Variants in GREM2 observed in about 807,000 individuals in gnomAD.
GREM2 encodes the protein gremlin 2, DAN family BMP antagonist, also known as gremlin-2.
A neutral mutation model predicts 14.2 loss-of-function variants in GREM2; 11 were observed. That is an observed-to-expected ratio of 0.78 (90% CI 0.49 to 1.28). The LOEUF is 1.28. Among genes scored for constraint, GREM2 ranks in the 50% most tolerant of loss-of-function variants. The pLI, the probability that GREM2 is intolerant of heterozygous loss-of-function variation, is 0.00. For missense variants in GREM2, 210 were observed against 218.5 expected (o/e 0.96, Z 0.24); for synonymous variants, 98 against 97.6 (o/e 1.00, Z -0.02).
intron 1 of GREM2, among the ~76,000 whole-genome samples, chr1:240,551,771 T>A (rs892352274): frequency 6.6e-6 from 1 of 152,194 alleles, no homozygotes; most frequent in Non-Finnish European, 1.5e-5. Context: ...TTTGCCTTCT[T>A]AAATGCTGAG....
chr1:240,495,243 T>A (rs1344360823), intron 1 of GREM2, among the ~76,000 whole-genome samples: 1 of 152,232 alleles, frequency 6.6e-6, no homozygotes, highest in African/African-American at 2.4e-5. Context: ...AACATCATCA[T>A]CATCTTTATG....
intron 1 of GREM2, among the ~76,000 whole-genome samples, chr1:240,513,311 T>G (rs1384105054): frequency 2.0e-5 from 3 of 152,138 alleles, no homozygotes; most frequent in Admixed American, 1.3e-4. Context: ...GCGCAGTGGC[T>G]CACGCCTGTA....
chr1:240,525,459 G>A lies in GREM2; in HGVS notation c.-1-31983C>T, dbSNP rs1161574804. On this transcript the variant is annotated intron_variant, in intron 1 of 1. Coordinates refer to ENST00000318160, the MANE Select transcript of GREM2 (RefSeq NM_022469.4). The stretch of plus-strand genomic sequence containing the variant: ...GTTTTCTATGGCAGCCGTAGCAAAG[G>A]GCCACAAATTTAGTGGCTTAAGACT... Among the ~76,000 whole-genome samples the A allele has an allele frequency of 2.0e-5, 3 of 152,042 alleles. No individual in the cohort carries two copies. In the East Asian group the frequency reaches 5.8e-4, roughly 29 times the overall value.
intron 1 of GREM2, among the ~76,000 whole-genome samples, chr1:240,523,215 C>G (rs1268722484): frequency 6.6e-6 from 1 of 152,158 alleles, no homozygotes; most frequent in Non-Finnish European, 1.5e-5. Flanking sequence ...GCCTCAGCCT[C>G]CCGAGTAGCT....
intron 1 of GREM2, among the ~76,000 whole-genome samples, chr1:240,564,450 A>C (rs1409129214): frequency 6.6e-6 from 1 of 151,744 alleles, no homozygotes; most frequent in East Asian, 1.9e-4. Context: ...GGAGGTTGCA[A>C]TGAGCCAAGA....
At chr1:240,496,841 C>T (rs1250350844) in intron 1 of GREM2, among the ~76,000 whole-genome samples, 1 of 152,114 alleles carries the variant, frequency 6.6e-6, no homozygotes, top group South Asian at 2.1e-4. Context: ...GAAACCCCGT[C>T]TCTACTAAAA....
At chr1:240,505,692 C>A (rs147191356) in intron 1 of GREM2, among the ~76,000 whole-genome samples, 49 of 150,918 alleles carry the variant, frequency 3.2e-4, no homozygotes, top group African/African-American at 1.2e-3. Flanking sequence ...TTAATGTGAC[C>A]ACATTATTAA....
chr1:240,544,977 C>G (rs1350480468), intron 1 of GREM2, among the ~76,000 whole-genome samples: 1 of 152,182 alleles, frequency 6.6e-6, no homozygotes, highest in Non-Finnish European at 1.5e-5. Context: ...TTGTGAAATA[C>G]ATATTTGGTC....
intron 1 of GREM2, chr1:240,531,557 CCAAA>C (rs1166261553): frequency 2.5e-6 from 2 of 792,924 alleles, no homozygotes; most frequent in South Asian, 5.7e-5. Context: ...GAAAAGCTTC[CCAAA>C]CAAAGGAAAT....
intron 1 of GREM2, among the ~76,000 whole-genome samples, chr1:240,507,548 G>T (rs1157527641): frequency 6.6e-6 from 1 of 152,090 alleles, no homozygotes; most frequent in Non-Finnish European, 1.5e-5. Flanking sequence ...GGCCAAGGTG[G>T]TCTCAAATTC....
At chr1:240,560,717 A>C (rs1388249745) in intron 1 of GREM2, among the ~76,000 whole-genome samples, 1 of 152,348 alleles carries the variant, frequency 6.6e-6, no homozygotes, top group South Asian at 2.1e-4. Flanking sequence ...AACTGACACC[A>C]TAATGGCTTA....
In GREM2 at chr1:240,519,957, G is replaced by A. The variant is rs184856974; in HGVS notation, c.-1-26481C>T. Among the ~76,000 whole-genome samples, 819 of 152,218 alleles carry A rather than the reference G, an allele frequency of 5.4e-3. 5 individuals are homozygous for A. Among genetic ancestry groups the A allele is most frequent in the African/African-American group, 0.019 (774 of 41,540 alleles). On this transcript the variant is annotated intron_variant, in intron 1 of 1. Coordinates refer to ENST00000318160, the MANE Select transcript of GREM2 (RefSeq NM_022469.4). ...TAGCTGGGCGTGGTGGCGCATGCCT[G>A]TAATCCCAGCTACTCAGGAGGCTGA... is the stretch of plus-strand genomic sequence containing the variant.
Position 240,492,932 on chromosome 1 carries a change from G to A in GREM2, c.*37C>T. Reference sequence around the variant, plus strand: ...GCGGCGGCGGCGCCACCCAGCGGCCGGGCGCGCGCGGGGCTGAGCTGCGTC... The same window carrying A: ...GCGGCGGCGGCGCCACCCAGCGGCCAGGCGCGCGCGGGGCTGAGCTGCGTC... On this transcript the variant is annotated 3_prime_UTR_variant, in exon 2 of 2. Transcript: ENST00000318160. The A allele has an allele frequency of 7.1e-7, 1 of 1,399,120 alleles. No homozygotes were observed. The highest frequency in any genetic ancestry group is 9.3e-7 in the Non-Finnish European group (1 of 1,075,790). 86.7% of individuals were successfully genotyped at this position (1,399,120 alleles called of 1,614,324 possible).
rs774165265 is a variant in GREM2 at position 240,531,662 on chromosome 1, G to A, written c.-1-38186C>T. The A allele has an allele frequency of 3.2e-5, 32 of 985,102 alleles. 1 individual carries two copies. Among genetic ancestry groups the A allele is most frequent in the Non-Finnish European group, 3.6e-5 (30 of 829,886 alleles). 61.0% of individuals were successfully genotyped at this position (985,102 alleles called of 1,614,324 possible). ...GCAAGGCGTCTGCCTGCTCCCTGAC[G>A]TGGACTCAGCTCTGAGTGCTCTCAT... On this transcript the variant is annotated intron_variant, in intron 1 of 1. Transcript: ENST00000318160.
chr1:240,550,956 A>C (rs750802063), intron 1 of GREM2, among the ~76,000 whole-genome samples: 2 of 152,236 alleles, frequency 1.3e-5, no homozygotes, highest in Non-Finnish European at 2.9e-5. Context: ...TTAGGATGGA[A>C]ACTTGGAATT....
At chr1:240,575,256 T>C (rs894082964) in intron 1 of GREM2, among the ~76,000 whole-genome samples, 2 of 152,168 alleles carry the variant, frequency 1.3e-5, no homozygotes, top group East Asian at 1.9e-4. Flanking sequence ...GCTAGTAGTA[T>C]AGTCTCAGGG....
At chr1:240,547,506 A>G (rs1439035927) in intron 1 of GREM2, among the ~76,000 whole-genome samples, 1 of 97,826 alleles carries the variant, frequency 1.0e-5, no homozygotes, top group Non-Finnish European at 1.8e-5. Flanking sequence ...TCTCAAAAAA[A>G]AAAAAAAAAT....
intron 1 of GREM2, among the ~76,000 whole-genome samples, chr1:240,553,881 A>T (rs1452230479): frequency 2.0e-5 from 3 of 152,212 alleles, no homozygotes; most frequent in African/African-American, 7.2e-5. Context: ...AAGAATAAAA[A>T]AGTGAAGGTG....
chr1:240,535,635 C>T (rs10802886), intron 1 of GREM2, among the ~76,000 whole-genome samples: 104,940 of 151,694 alleles, frequency 0.69, 36,466 homozygotes, highest in Admixed American at 0.76. Context: ...CCTGTCTCTA[C>T]TAAAAATACA....
Sources: gnomAD v4.1 joint callset for allele counts (sites outside exome capture counted in the v4.1 genomes callset) on GRCh38, gnomAD v4.1.1 for gene constraint, MANE v1.5 for transcripts, NCBI Gene and HGNC (gene_info 2026-07-23, HGNC 2026-07-21) for gene names.